The following EPB42 variants were observed in gnomAD, a reference collection of about 807,000 sequenced individuals.
EPB42 encodes the protein erythrocyte membrane protein band 4.2, also known as protein 4.2.
EPB42 carries 49 observed loss-of-function variants against 76.9 expected under a neutral mutation model. The ratio of observed to expected loss-of-function variants is 0.64; its 90% CI spans 0.51 to 0.81. The LOEUF (loss-of-function observed/expected upper bound fraction) is 0.81. Ranked by LOEUF, EPB42 falls within the 30% of genes least tolerant of loss-of-function variation. EPB42 has a pLI of 0.00. For missense variants in EPB42, 731 were observed against 867.6 expected (o/e 0.84, Z 1.98); for synonymous variants, 310 against 338.4 (o/e 0.92, Z 0.92).
At chr15:43,199,330 C>T (rs2142256294) in intron 12 of EPB42, among the ~76,000 whole-genome samples, 1 of 152,344 alleles carries the variant, frequency 6.6e-6, no homozygotes, top group Non-Finnish European at 1.5e-5. Flanking sequence ...GAACCCACCT[C>T]TTGCATTATT....
chr15:43,207,102 G>T, intron 9 of EPB42, 97 bp downstream of exon 9: 1 of 1,559,980 alleles, frequency 6.4e-7, no homozygotes, highest in Non-Finnish European at 8.7e-7. Flanking sequence ...ATGCGGAAAG[G>T]ACAAGTCTCT....
chr15:43,220,063 A>T (rs541072394), intron 1 of EPB42, among the ~76,000 whole-genome samples: 1 of 151,902 alleles, frequency 6.6e-6, no homozygotes, highest in African/African-American at 2.4e-5. Flanking sequence ...TGTTGGTCTC[A>T]GCGTCAGTTG....
At position 43,208,436 on chromosome 15, in the gene EPB42, G is replaced by A. The variant is rs1381816426; in HGVS notation, c.972-103C>T. The A allele has an allele frequency of 4.2e-6, 6 of 1,416,542 alleles. No individual in the cohort carries two copies. In the African/African-American group the frequency reaches 8.4e-5, roughly 20 times the overall value. 87.7% of individuals were successfully genotyped at this position (1,416,542 alleles called of 1,614,324 possible). A position where few individuals can be genotyped will look rare whatever the true frequency, so the allele number is the denominator to read the frequency against. On this transcript the variant is annotated intron_variant, in intron 7 of 12. Transcript: ENST00000441366. ...AGCTGTTGTTGTTCCAGTGGGATGG[G>A]AGGTCACTGTGTCAAAGTGGCTGTG... is the stretch of plus-strand genomic sequence containing the variant.
chr15:43,206,169 G>A lies in EPB42; in HGVS notation c.1618+161C>T, dbSNP rs1014788303. The A allele has an allele frequency of 5.4e-6, 4 of 738,310 alleles. No individual in the cohort carries two copies. Among genetic ancestry groups the A allele is most frequent in the African/African-American group, 5.3e-5 (3 of 56,734 alleles). The allele number at this position is 738,310 out of a possible 1,614,324, so 45.7% of individuals were successfully genotyped here. A position where few individuals can be genotyped will look rare whatever the true frequency, so the allele number is the denominator to read the frequency against. On this transcript the variant is annotated intron_variant, in intron 10 of 12. Coordinates refer to ENST00000441366, the MANE Select transcript of EPB42 (RefSeq NM_001114134.2). This position sits in a 1 kb window ranked among gnomAD's most constrained non-coding sequence, Gnocchi z 4.7. ...TTCCTGCTTCAGGCCCAATAAATAT[G>A]TGTTGAATGAATGAATGAGAGAGAA... is the stretch of plus-strand genomic sequence containing the variant.
chr15:43,208,641 TTC>T lies in EPB42; in HGVS notation c.965_966del (p.Arg322AsnfsTer22), dbSNP rs772316454. On this transcript the variant is annotated frameshift_variant, in exon 7 of 13. Coordinates refer to ENST00000441366, the MANE Select transcript of EPB42 (RefSeq NM_001114134.2). LOFTEE classifies it high-confidence loss of function. ...GLQNGEGQRG[R>X]IWIFQTSTEC... ...CATCTCCCTTGGGCTTCTCACCAGA[TTC>T]TGCCTCTCTGGCCTTCTCCGTTCTG... 3.1e-6 allele frequency: 5 copies of T among 1,614,046 alleles called. No homozygotes were observed. In the South Asian group the frequency reaches 5.5e-5, roughly 18 times the overall value.
chr15:43,223,967 T>C (rs2042485276), upstream of EPB42, among the ~76,000 whole-genome samples: 1 of 151,994 alleles, frequency 6.6e-6, no homozygotes, highest in Non-Finnish European at 1.5e-5. Flanking sequence ...AGCAAGACAT[T>C]GTCTCAAAAA....
Sources: gnomAD v4.1 joint callset for allele counts (sites outside exome capture counted in the v4.1 genomes callset) on GRCh38, gnomAD v4.1.1 for gene constraint, Gnocchi (gnomAD v3.1) non-coding constraint, MANE v1.5 for transcripts, NCBI Gene and HGNC (gene_info 2026-07-23, HGNC 2026-07-21) for gene names.